TMEM132B: variants seen among roughly 807,000 people sequenced by gnomAD.
The protein encoded by TMEM132B is transmembrane protein 132B.
A neutral mutation model predicts 90.8 loss-of-function variants in TMEM132B; 18 were observed. That is an observed-to-expected ratio of 0.20 (90% CI 0.14 to 0.29). TMEM132B has a LOEUF of 0.29. Among genes scored for constraint, TMEM132B ranks in the 10% least tolerant of loss-of-function variants. The pLI is 1.00. For missense variants in TMEM132B, 1,096 were observed against 1,326.8 expected (o/e 0.83, Z 2.70); for synonymous variants, 504 against 523.3 (o/e 0.96, Z 0.50).
At chr12:125,260,323 A>G (rs1298218761) in intron 1 of TMEM132B, among the ~76,000 whole-genome samples, 1 of 152,158 alleles carries the variant, frequency 6.6e-6, no homozygotes. Flanking sequence ...TGACCTAGCC[A>G]CCATTTAAGT....
intron 1 of TMEM132B, chr12:125,326,491 T>G: frequency 1.2e-5 from 12 of 1,013,436 alleles, no homozygotes; most frequent in East Asian, 2.6e-5. Context: ...TGACATTCCG[T>G]TGTCCTGGCA....
chr12:125,561,390 A>AG (rs1884528574), intron 4 of TMEM132B, among the ~76,000 whole-genome samples: 1 of 151,932 alleles, frequency 6.6e-6, no homozygotes, highest in South Asian at 2.1e-4. Flanking sequence ...GGGCTAGGGG[A>AG]GGGATAGCAT....
chr12:125,581,171 T>C (rs1885045298), intron 4 of TMEM132B, among the ~76,000 whole-genome samples: 1 of 152,218 alleles, frequency 6.6e-6, no homozygotes, highest in African/African-American at 2.4e-5. Flanking sequence ...AAACTCAGTT[T>C]GGGAAATATA....
In TMEM132B at chr12:125,407,001, T is replaced by C. The variant is rs761160713; in HGVS notation, c.960-8530T>C. On this transcript the variant is annotated intron_variant, in intron 2 of 8. Transcript: ENST00000682704. The surrounding 1 kb of genome is among the most constrained non-coding windows in gnomAD (Gnocchi z 6.7). ...GCATTTGCTTCTCCCAGAGCTGATG[T>C]GCAACCATAGGCACAGAGTGCTGCC... 2.0e-5 allele frequency among the ~76,000 whole-genome samples: 3 copies of C among 152,174 alleles called. No homozygotes were observed. The highest frequency in any genetic ancestry group is 4.4e-5 in the Non-Finnish European group (3 of 68,022).
At chr12:125,649,183 T>G (rs1294515411) in intron 6 of TMEM132B, among the ~76,000 whole-genome samples, 1 of 152,222 alleles carries the variant, frequency 6.6e-6, no homozygotes, top group Non-Finnish European at 1.5e-5. Context: ...TACCATTTTA[T>G]AAATGGTTCT....
At chr12:125,556,908 C>G (rs1234707155) in intron 4 of TMEM132B, among the ~76,000 whole-genome samples, 2 of 152,126 alleles carry the variant, frequency 1.3e-5, no homozygotes, top group Non-Finnish European at 2.9e-5. Context: ...GCGCCCGCCA[C>G]CATGCCTGGC....
At chr12:125,287,118 C>T (rs984050189) in intron 1 of TMEM132B, among the ~76,000 whole-genome samples, 7 of 151,620 alleles carry the variant, frequency 4.6e-5, no homozygotes, top group Non-Finnish European at 1.0e-4. Flanking sequence ...ATCAGCCTCC[C>T]TCTCCATCTC....
At chr12:125,313,551 C>T (rs183908652) in intron 1 of TMEM132B, among the ~76,000 whole-genome samples, 1,842 of 92,260 alleles carry the variant, frequency 0.02, 44 homozygotes, top group Non-Finnish European at 0.03. Flanking sequence ...CCCCTCCCCT[C>T]CCGTTTCCCC....
intron 4 of TMEM132B, among the ~76,000 whole-genome samples, chr12:125,535,212 C>T (rs534797574): frequency 6.6e-6 from 1 of 152,320 alleles, no homozygotes; most frequent in East Asian, 1.9e-4. Context: ...TCATCAGTTA[C>T]CGCCATTGTT....
At chr12:125,365,155 C>T (rs571590467) in intron 2 of TMEM132B, among the ~76,000 whole-genome samples, 1 of 151,588 alleles carries the variant, frequency 6.6e-6, no homozygotes, top group African/African-American at 2.4e-5. Flanking sequence ...GCATTATTTG[C>T]ATACTTTTAA....
At chr12:125,369,798 C>G (rs1878241494) in intron 2 of TMEM132B, among the ~76,000 whole-genome samples, 1 of 152,134 alleles carries the variant, frequency 6.6e-6, no homozygotes, top group South Asian at 2.1e-4. Context: ...GCCAGTAATC[C>G]CAGCACTTTG....
At position 125,462,800 on chromosome 12, in the gene TMEM132B, GA is replaced by G. The variant is rs1566043735; in HGVS notation, c.1106+47124del. On this transcript the variant is annotated intron_variant, in intron 3 of 8. Coordinates refer to ENST00000682704, the MANE Select transcript of TMEM132B (RefSeq NM_001366854.1). ...GGTTCTTCTCTCTGGAAGAAAACTT[GA>G]CTAATCCACAAGCAGCAACCTGTGA... Among the ~76,000 whole-genome samples the G allele has an allele frequency of 2.6e-5, 4 of 152,200 alleles. No individual in the cohort carries two copies. The East Asian group carries it at 7.7e-4, about 29-fold the overall frequency.
chr12:125,515,243 TTC>T (rs754862081), intron 3 of TMEM132B, among the ~76,000 whole-genome samples: 10 of 144,468 alleles, frequency 6.9e-5, no homozygotes, highest in Non-Finnish European at 1.2e-4. Context: ...CACACATGCA[TTC>T]TCACACACAC....
intron 4 of TMEM132B, among the ~76,000 whole-genome samples, chr12:125,520,658 CA>C (rs1883285535): frequency 6.6e-6 from 1 of 152,162 alleles, no homozygotes; most frequent in African/African-American, 2.4e-5. Flanking sequence ...CCTGCCAGCT[CA>C]TCACCCTCTA....
At chr12:125,263,999 T>C (rs561977135) in intron 1 of TMEM132B, among the ~76,000 whole-genome samples, 173 of 152,330 alleles carry the variant, frequency 1.1e-3, no homozygotes, top group African/African-American at 3.9e-3. Context: ...AAATCTATTA[T>C]CTTACTGTCT....
Position 125,228,567 on chromosome 12 carries a change from C to T in TMEM132B, c.67+41701C>T, listed in dbSNP as rs531373503. 4.4e-4 allele frequency among the ~76,000 whole-genome samples: 67 copies of T among 152,322 alleles called. 1 individual carries two copies. The South Asian group carries it at 0.011, about 26-fold the overall frequency. On this transcript the variant is annotated intron_variant, in intron 1 of 8. Coordinates refer to ENST00000682704, the MANE Select transcript of TMEM132B (RefSeq NM_001366854.1). ...ACACAGGGAGGATAAAACTCAGTTG[C>T]TTCTGCCACAGGGCTGGTGGGCGGA...
chr12:125,533,569 G>T (rs961655472), intron 4 of TMEM132B, among the ~76,000 whole-genome samples: 4 of 152,230 alleles, frequency 2.6e-5, no homozygotes, highest in African/African-American at 7.2e-5. Context: ...ATGGCATTTT[G>T]ATTGGCATCC....
intron 1 of TMEM132B, among the ~76,000 whole-genome samples, chr12:125,236,453 G>A (rs1458062881): frequency 6.6e-6 from 1 of 152,092 alleles, no homozygotes; most frequent in Non-Finnish European, 1.5e-5. Context: ...CACCGCTCCC[G>A]GTCAATTCCT....
chr12:125,239,060 G>A (rs1268125975), intron 1 of TMEM132B, among the ~76,000 whole-genome samples: 14 of 152,138 alleles, frequency 9.2e-5, no homozygotes, highest in Admixed American at 9.2e-4. Context: ...GAGGGGCGGG[G>A]TGAGGCAGAA....
Sources: allele counts gnomAD v4.1 joint callset (sites outside exome capture counted in the v4.1 genomes callset), GRCh38; gene constraint gnomAD v4.1.1; non-coding constraint Gnocchi (gnomAD v3.1); transcripts MANE v1.5; gene names NCBI Gene and HGNC (gene_info 2026-07-23, HGNC 2026-07-21).